The following TEX9 variants were observed in gnomAD, a reference collection of about 807,000 sequenced individuals.
TEX9 encodes testis-expressed protein 9.
TEX9 carries 74 observed loss-of-function variants against 59.6 expected under a neutral mutation model. That is an observed-to-expected ratio of 1.24 (90% CI 1.03 to 1.51). The LOEUF is 1.51. Among genes scored for constraint, TEX9 ranks in the 40% most tolerant of loss-of-function variants. TEX9 has a pLI of 0.00. For missense variants in TEX9, 522 were observed against 447.8 expected (o/e 1.17, Z -1.49); for synonymous variants, 186 against 152.2 (o/e 1.22, Z -1.64).
exon 1 of TEX9, chr15:56,244,052 G>A (rs1437642547): frequency 2.0e-5 from 3 of 151,430 alleles, no homozygotes; most frequent in African/African-American, 2.4e-5. Flanking sequence ...AGTCCGGCCC[G>A]GCTGGTGGAG....
chr15:56,285,473 C>T (rs1386212481), intron 1 of TEX9, among the ~76,000 whole-genome samples: 2 of 152,142 alleles, frequency 1.3e-5, no homozygotes, highest in African/African-American at 4.8e-5. Flanking sequence ...AACTCTCCTC[C>T]CATTTGGGAT....
At chr15:56,295,875 T>C (rs1289866265) in intron 1 of TEX9, among the ~76,000 whole-genome samples, 1 of 152,222 alleles carries the variant, frequency 6.6e-6, no homozygotes, top group Non-Finnish European at 1.5e-5. Context: ...CCTAACAGCC[T>C]GCTCTTGAGG....
At chr15:56,352,411 ATT>A (rs568700139) in intron 1 of TEX9, among the ~76,000 whole-genome samples, 1 of 145,562 alleles carries the variant, frequency 6.9e-6, no homozygotes, top group African/African-American at 2.5e-5. Context: ...CGCCCAGCTA[ATT>A]TTTTTTTTTT....
At chr15:56,379,395 T>C (rs1279786892) in intron 3 of TEX9, among the ~76,000 whole-genome samples, 2 of 152,228 alleles carry the variant, frequency 1.3e-5, no homozygotes, top group Admixed American at 6.5e-5. Flanking sequence ...TTTTATTCCA[T>C]GTGATCAGAG....
chr15:56,323,599 C>CAA (rs34918435), intron 1 of TEX9: 7 of 155,994 alleles, frequency 4.5e-5, no homozygotes, highest in Non-Finnish European at 4.3e-5. Context: ...CCTGATGCAG[C>CAA]AAAAAAACGG....
chr15:56,436,777 C>T (rs531889092), intron 12 of TEX9, among the ~76,000 whole-genome samples: 36 of 152,238 alleles, frequency 2.4e-4, no homozygotes, highest in African/African-American at 8.2e-4. Flanking sequence ...AAGGGGATAT[C>T]ACCACAGATC....
chr15:56,267,805 A>T (rs1306489933), intron 1 of TEX9, among the ~76,000 whole-genome samples: 1 of 152,200 alleles, frequency 6.6e-6, no homozygotes, highest in Non-Finnish European at 1.5e-5. Context: ...TGTCTTGGCA[A>T]TGTGGGCTCT....
At chr15:56,370,976 C>G (rs573417543) in intron 2 of TEX9, among the ~76,000 whole-genome samples, 1 of 152,144 alleles carries the variant, frequency 6.6e-6, no homozygotes, top group East Asian at 1.9e-4. Flanking sequence ...CATTCCTCAG[C>G]CTCCCCAGTA....
chr15:56,386,291 C>T (rs1368920909), intron 4 of TEX9, among the ~76,000 whole-genome samples: 2 of 150,950 alleles, frequency 1.3e-5, no homozygotes, highest in African/African-American at 4.9e-5. Flanking sequence ...AGGGGACTAC[C>T]AAGGAACACA....
intron 1 of TEX9, among the ~76,000 whole-genome samples, chr15:56,332,027 G>A (rs1455148039): frequency 2.3e-5 from 3 of 128,712 alleles, no homozygotes; most frequent in African/African-American, 8.7e-5. Flanking sequence ...TGGTGGGACT[G>A]TAAACTAGTT....
At chr15:56,299,000 C>G (rs976636101) in intron 1 of TEX9, among the ~76,000 whole-genome samples, 1 of 152,136 alleles carries the variant, frequency 6.6e-6, no homozygotes, top group East Asian at 1.9e-4. Flanking sequence ...CCCCCCAAAC[C>G]CCTTCAAGGA....
intron 9 of TEX9, among the ~76,000 whole-genome samples, chr15:56,403,027 C>G (rs1411218101): frequency 6.6e-6 from 1 of 152,198 alleles, no homozygotes; most frequent in African/African-American, 2.4e-5. Context: ...CAGCCAATTT[C>G]ATACTAAATG....
At chr15:56,365,650 C>A (rs201403861) in exon 2 of TEX9, 1 of 1,614,056 alleles carries the variant, frequency 6.2e-7, no homozygotes, top group Non-Finnish European at 8.5e-7. Flanking sequence ...CCGACCTCCT[C>A]GCCTTGGAGG....
intron 1 of TEX9, among the ~76,000 whole-genome samples, chr15:56,306,679 T>TTTTATAGTATTTATAGTA (rs1292901505): frequency 1.4e-4 from 22 of 152,298 alleles, no homozygotes; most frequent in African/African-American, 4.1e-4. Flanking sequence ...AGATGTAGTA[T>TTTTATAGTATTTATAGTA]TTTATAGTAC....
the TEX9 span, among the ~76,000 whole-genome samples, chr15:56,451,871 T>G: frequency 2.6e-4 from 39 of 152,290 alleles, no homozygotes; most frequent in African/African-American, 9.1e-4. Flanking sequence ...ATATAAAGAT[T>G]GCCTAGATTT....
chr15:56,345,829 G>C (rs1237995787), intron 1 of TEX9, among the ~76,000 whole-genome samples: 9 of 152,210 alleles, frequency 5.9e-5, no homozygotes, highest in Non-Finnish European at 1.2e-4. Context: ...ACAACTTGGA[G>C]TCAGAAGTGC....
At chr15:56,449,062 G>C (rs2050929062), downstream of TEX9, among the ~76,000 whole-genome samples, 2 of 152,068 alleles carry the variant, frequency 1.3e-5, no homozygotes, top group Admixed American at 1.3e-4. Context: ...GCTATTTGTA[G>C]ATGCTTTTGG....
chr15:56,423,229 C>G (rs1231547373), intron 10 of TEX9, among the ~76,000 whole-genome samples: 1 of 152,156 alleles, frequency 6.6e-6, no homozygotes, highest in Non-Finnish European at 1.5e-5. Context: ...AAATTTCCCT[C>G]TTAGCAGTGC....
intron 4 of TEX9, among the ~76,000 whole-genome samples, chr15:56,385,798 A>T (rs1164761599): frequency 6.6e-6 from 1 of 152,122 alleles, no homozygotes; most frequent in Non-Finnish European, 1.5e-5. Flanking sequence ...GAAGTAGGCT[A>T]TAAGAGGTGC....
Sources: allele counts gnomAD v4.1 joint callset (sites outside exome capture counted in the v4.1 genomes callset), GRCh38; gene constraint gnomAD v4.1.1; transcripts MANE v1.5; gene names NCBI Gene and HGNC (gene_info 2026-07-23, HGNC 2026-07-21).